OR5K3: variants seen among roughly 807,000 people sequenced by gnomAD.
OR5K3 encodes olfactory receptor 5K3.
For synonymous variants in OR5K3, 178 were observed against 132.6 expected (o/e 1.34, Z -2.35); for missense variants, 498 against 383.2 (o/e 1.30, Z -2.50).
chr3:98,390,962 A>C lies in OR5K3; in HGVS notation c.297A>C (p.Ala99=), dbSNP rs1419800516. 4 of 1,614,122 alleles carry C rather than the reference A, an allele frequency of 2.5e-6. No homozygotes were observed. The highest frequency in any genetic ancestry group is 3.4e-6 in the Non-Finnish European group (4 of 1,180,046). Residue 99 remains alanine (A), a synonymous_variant, in exon 1 of 1, where the codon GCA becomes GCC. Coordinates refer to ENST00000383695, the MANE Select transcript of OR5K3 (RefSeq NM_001005516.1). ...DKRITLYECM[A]QFYFLCLAET... is the part of the protein sequence containing the mutation. ...GGATTACCCTGTATGAATGTATGGCACAATTTTATTTTCTCTGTCTTGCTG... is the reference window on the plus strand; with the variant it reads ...GGATTACCCTGTATGAATGTATGGCCCAATTTTATTTTCTCTGTCTTGCTG...
In OR5K3 at chr3:98,391,210, T is replaced by A; in HGVS notation, c.545T>A (p.Leu182His). The A allele has an allele frequency of 6.2e-7, 1 of 1,612,942 alleles. No homozygotes were observed. The change falls in exon 1 of 1, where the codon CTT (leucine) becomes CAT (histidine). Residue 182 changes from leucine (L) to histidine (H), a missense_variant. Transcript: ENST00000383695. ...HQINHFFCDVLPLYRLSCINP... is the reference protein window; with the variant it reads ...HQINHFFCDVHPLYRLSCINP... ...ATCAATCATTTTTTCTGTGATGTTC[T>A]TCCATTATATAGACTTTCTTGTATT...
rs1707456831 is a variant in OR5K3, at chr3:98,390,755, GTTCTTTGCCATCT to G, written c.91_103del (p.Phe31IlefsTer2). ...AGCTGAAGACTGTTCTGTTTGTGGT[GTTCTTTGCCATCT>G]ATCTGATCACCATGGTGGGGAACAT... On this transcript the variant is annotated frameshift_variant, in exon 1 of 1. Transcript: ENST00000383695. LOFTEE classifies it low-confidence loss of function (END_TRUNC). 1.9e-6 allele frequency: 3 copies of G among 1,614,012 alleles called. No individual in the cohort carries two copies. The highest frequency in any genetic ancestry group is 1.3e-5 in the African/African-American group (1 of 74,918).
At position 98,390,722 on chromosome 3, in the gene OR5K3, T is replaced by A. The variant is rs780192554; in HGVS notation, c.57T>A (p.Tyr19Ter). The change falls in exon 1 of 1, where the codon TAT (tyrosine) becomes TAA (stop). Residue 19 changes from tyrosine to a stop codon, truncating the protein, a stop_gained. Transcript: ENST00000383695. LOFTEE classifies it low-confidence loss of function (END_TRUNC). ...AGTTCATCCTCACAGGATTTACATATCATCCAAAGCTGAAGACTGTTCTGT... is the reference window on the plus strand; with the variant it reads ...AGTTCATCCTCACAGGATTTACATAACATCCAAAGCTGAAGACTGTTCTGT... ...IAEFILTGFT[Y>*]HPKLKTVLFV... 6.2e-7 allele frequency: 1 copy of A among 1,614,110 alleles called. No individual in the cohort carries two copies. Among genetic ancestry groups the A allele is most frequent in the East Asian group, 2.2e-5 (1 of 44,876 alleles).
chr3:98,390,926 T>G lies in OR5K3; in HGVS notation c.261T>G (p.Ser87=). The stretch of plus-strand genomic sequence containing the variant: ...CCAAGATGTTAGAGAACTTCTTTTC[T>G]GAGGACAAAAGGATTACCCTGTATG... ...ITPKMLENFF[S]EDKRITLYEC... Residue 87 remains serine (S), a synonymous_variant, in exon 1 of 1, where the codon TCT becomes TCG. Transcript: ENST00000383695. 1 of 1,614,270 alleles carries G rather than the reference T, an allele frequency of 6.2e-7. No individual in the cohort carries two copies. The highest frequency in any genetic ancestry group is 8.5e-7 in the Non-Finnish European group (1 of 1,180,046).
Position 98,390,678 on chromosome 3 carries a change from A to G in OR5K3, c.13A>G (p.Asn5Asp). The G allele has an allele frequency of 6.2e-7, 1 of 1,612,236 alleles. No individual in the cohort carries two copies. Among genetic ancestry groups the G allele is most frequent in the African/African-American group, 1.3e-5 (1 of 75,020 alleles). ...AGACAAGGTGGAGATGAATAAGGAG[A>G]ATCACTCCTTGATAGCTGAGTTCAT... MNKE[N>D]HSLIAEFILT... Residue 5 changes from asparagine to aspartate, a missense_variant, in exon 1 of 1, where the codon AAT becomes GAT. Asn to Asp is a conservative substitution (Grantham distance 23). Coordinates refer to ENST00000383695, the MANE Select transcript of OR5K3 (RefSeq NM_001005516.1).
rs767080673 is a variant in OR5K3 at position 98,390,677 on chromosome 3, G to T, written c.12G>T (p.Glu4Asp). 9.3e-6 allele frequency: 15 copies of T among 1,612,584 alleles called. No individual in the cohort carries two copies. The highest frequency in any genetic ancestry group is 1.2e-5 in the Non-Finnish European group (14 of 1,179,062). Residue 4 changes from glutamate to aspartate, a missense_variant, in exon 1 of 1, where the codon GAG (glutamate) becomes GAT (aspartate). Transcript: ENST00000383695. ...CAGACAAGGTGGAGATGAATAAGGA[G>T]AATCACTCCTTGATAGCTGAGTTCA... is the stretch of plus-strand genomic sequence containing the variant. The part of the protein sequence containing the change: MNK[E>D]NHSLIAEFIL...
In OR5K3 at chr3:98,391,482, G is replaced by A; in HGVS notation, c.817G>A (p.Ala273Thr). The A allele has an allele frequency of 6.6e-7, 1 of 1,517,450 alleles. No individual in the cohort carries two copies. Among genetic ancestry groups the A allele is most frequent in the Non-Finnish European group, 9.1e-7 (1 of 1,100,770 alleles). 94.0% of individuals were successfully genotyped at this position (1,517,450 alleles called of 1,614,324 possible). Reference protein sequence around the residue: ...VNEGDKDIPVAIFYTLVIPLL... With the variant: ...VNEGDKDIPVTIFYTLVIPLL... ...TGAAGGGGATAAAGATATACCTGTT[G>A]CTATATTTTATACTTTAGTTATTCC... Residue 273 changes from alanine to threonine, a missense_variant, in exon 1 of 1, where the codon GCT (alanine) becomes ACT (threonine). By Grantham distance (58) the Ala-to-Thr change is moderately conservative. Coordinates refer to ENST00000383695, the MANE Select transcript of OR5K3 (RefSeq NM_001005516.1).
chr3:98,391,266 A>G lies in OR5K3; in HGVS notation c.601A>G (p.Ile201Val), dbSNP rs1707466846. 14 of 1,609,206 alleles carry G rather than the reference A, an allele frequency of 8.7e-6. No homozygotes were observed. Among genetic ancestry groups the G allele is most frequent in the Non-Finnish European group, 1.1e-5 (13 of 1,176,076 alleles). ...NPYINELVLFILAGSIQIFTI... is the reference protein window; with the variant it reads ...NPYINELVLFVLAGSIQIFTI... ...TTATATCAATGAATTGGTGTTATTT[A>G]TCTTGGCAGGATCAATTCAAATCTT... Residue 201 changes from isoleucine (I) to valine (V), a missense_variant, in exon 1 of 1, where the codon ATC (isoleucine) becomes GTC (valine). Transcript: ENST00000383695.
chr3:98,391,553 A>C lies in OR5K3; in HGVS notation c.888A>C (p.Ile296=). The change falls in exon 1 of 1, where the codon ATA becomes ATC. Residue 296 remains isoleucine, a synonymous_variant. Coordinates refer to ENST00000383695, the MANE Select transcript of OR5K3 (RefSeq NM_001005516.1). ...ATAGCCTAAGAAATAAGGAAGTAAT[A>C]AATATTATGAAAAAAATTATGAAGA... ...FIYSLRNKEV[I]NIMKKIMKKR... 1 of 1,384,864 alleles carries C rather than the reference A, an allele frequency of 7.2e-7. No individual in the cohort carries two copies. Among genetic ancestry groups the C allele is most frequent in the Non-Finnish European group, 9.7e-7 (1 of 1,034,196 alleles). 85.8% of individuals were successfully genotyped at this position (1,384,864 alleles called of 1,614,324 possible). A position where few individuals can be genotyped will look rare whatever the true frequency, so the allele number is the denominator to read the frequency against.
Position 98,391,530 on chromosome 3 carries a change from A to T in OR5K3, c.865A>T (p.Ser289Cys), listed in dbSNP as rs768477317. 3.2e-5 allele frequency: 45 copies of T among 1,417,792 alleles called. No individual in the cohort carries two copies. The African/African-American group carries it at 5.8e-4, about 18-fold the overall frequency. The allele number at this position is 1,417,792 out of a possible 1,614,324, so 87.8% of individuals were successfully genotyped here. ...VIPLLNPFIY[S>C]LRNKEVINIM... Reference sequence around the variant, plus strand: ...TCCTTTATTAAATCCTTTTATTTATAGCCTAAGAAATAAGGAAGTAATAAA... The same window carrying T: ...TCCTTTATTAAATCCTTTTATTTATTGCCTAAGAAATAAGGAAGTAATAAA... Residue 289 changes from serine (S) to cysteine (C), a missense_variant, in exon 1 of 1, where the codon AGC becomes TGC. Transcript: ENST00000383695.
chr3:98,390,975 C>A lies in OR5K3; in HGVS notation c.310C>A (p.Leu104Ile). The A allele has an allele frequency of 1.9e-6, 3 of 1,614,116 alleles. No homozygotes were observed. Among genetic ancestry groups the A allele is most frequent in the Non-Finnish European group, 2.5e-6 (3 of 1,179,958 alleles). ...LYECMAQFYF[L>I]CLAETTDCFL... ...TGAATGTATGGCACAATTTTATTTTCTCTGTCTTGCTGAAACTACAGACTG... is the reference window on the plus strand; with the variant it reads ...TGAATGTATGGCACAATTTTATTTTATCTGTCTTGCTGAAACTACAGACTG... Residue 104 changes from leucine to isoleucine, a missense_variant, in exon 1 of 1, where the codon CTC becomes ATC. By Grantham distance (5) the Leu-to-Ile change is conservative (BLOSUM62 2). Transcript: ENST00000383695.
Position 98,391,574 on chromosome 3 carries a change from G to T in OR5K3, c.909G>T (p.Met303Ile), listed in dbSNP as rs202238189. ...TAATAAATATTATGAAAAAAATTAT[G>T]AAGAAGAGAAAATTTTGTCACATTC... is the stretch of plus-strand genomic sequence containing the variant. Reference protein sequence around the residue: ...KEVINIMKKIMKKRKFCHILK... With the variant: ...KEVINIMKKIIKKRKFCHILK... Residue 303 changes from methionine to isoleucine, a missense_variant, in exon 1 of 1, where the codon ATG becomes ATT. Met to Ile is a conservative substitution (Grantham distance 10, BLOSUM62 1). Transcript: ENST00000383695. The T allele has an allele frequency of 5.6e-6, 8 of 1,425,736 alleles. No homozygotes were observed. The East Asian group carries it at 1.9e-4, about 35-fold the overall frequency. 88.3% of individuals were successfully genotyped at this position (1,425,736 alleles called of 1,614,324 possible).
chr3:98,391,196 T>C lies in OR5K3; in HGVS notation c.531T>C (p.Phe177=), dbSNP rs773121005. 1 of 1,613,938 alleles carries C rather than the reference T, an allele frequency of 6.2e-7. No homozygotes were observed. Among genetic ancestry groups the C allele is most frequent in the Non-Finnish European group, 8.5e-7 (1 of 1,179,842 alleles). ...TFCGSHQINH[F]FCDVLPLYRL... ...GTGGGTCTCATCAAATCAATCATTT[T>C]TTCTGTGATGTTCTTCCATTATATA... The change falls in exon 1 of 1, where the codon TTT becomes TTC. Residue 177 remains phenylalanine (F), a synonymous_variant. Transcript: ENST00000383695.
rs755383235 is a variant in OR5K3 at position 98,390,705 on chromosome 3, C to T, written c.40C>T (p.Leu14Phe). The T allele has an allele frequency of 1.2e-6, 2 of 1,613,960 alleles. No homozygotes were observed. The highest frequency in any genetic ancestry group is 1.1e-5 in the South Asian group (1 of 91,070). Residue 14 changes from leucine (L) to phenylalanine (F), a missense_variant, in exon 1 of 1, where the codon CTC becomes TTC. Coordinates refer to ENST00000383695, the MANE Select transcript of OR5K3 (RefSeq NM_001005516.1). ...TCACTCCTTGATAGCTGAGTTCATCCTCACAGGATTTACATATCATCCAAA... is the reference window on the plus strand; with the variant it reads ...TCACTCCTTGATAGCTGAGTTCATCTTCACAGGATTTACATATCATCCAAA... ...ENHSLIAEFI[L>F]TGFTYHPKLK...
rs762131036 is a variant in OR5K3 at position 98,390,908 on chromosome 3, G to T, written c.243G>T (p.Met81Ile). The T allele has an allele frequency of 6.2e-7, 1 of 1,614,108 alleles. No homozygotes were observed. The highest frequency in any genetic ancestry group is 1.7e-5 in the Admixed American group (1 of 60,004). Residue 81 changes from methionine (M) to isoleucine (I), a missense_variant, in exon 1 of 1, where the codon ATG becomes ATT. Met to Ile is a conservative substitution (Grantham distance 10). Coordinates refer to ENST00000383695, the MANE Select transcript of OR5K3 (RefSeq NM_001005516.1). ...SCCSSAITPK[M>I]LENFFSEDKR... Reference sequence around the variant, plus strand: ...GTTCCTCTGCTATTACTCCCAAGATGTTAGAGAACTTCTTTTCTGAGGACA... The same window carrying T: ...GTTCCTCTGCTATTACTCCCAAGATTTTAGAGAACTTCTTTTCTGAGGACA...
rs771081075 is a variant in OR5K3 at position 98,390,746 on chromosome 3, G to GT, written c.84dup (p.Val29CysfsTer60). 38 of 1,614,050 alleles carry GT rather than the reference G, an allele frequency of 2.4e-5. No homozygotes were observed. In the East Asian group the frequency reaches 7.6e-4, roughly 32 times the overall value. ...ATCATCCAAAGCTGAAGACTGTTCT[G>GT]TTTGTGGTGTTCTTTGCCATCTATC... On this transcript the variant is annotated frameshift_variant, in exon 1 of 1. Coordinates refer to ENST00000383695, the MANE Select transcript of OR5K3 (RefSeq NM_001005516.1). LOFTEE classifies it low-confidence loss of function (END_TRUNC).
In OR5K3 at chr3:98,390,989, A is replaced by C; in HGVS notation, c.324A>C (p.Glu108Asp). 6.2e-7 allele frequency: 1 copy of C among 1,614,218 alleles called. No individual in the cohort carries two copies. Among genetic ancestry groups the C allele is most frequent in the Non-Finnish European group, 8.5e-7 (1 of 1,180,034 alleles). Residue 108 changes from glutamate (E) to aspartate (D), a missense_variant, in exon 1 of 1, where the codon GAA (glutamate) becomes GAC (aspartate). Coordinates refer to ENST00000383695, the MANE Select transcript of OR5K3 (RefSeq NM_001005516.1). Reference protein sequence around the residue: ...MAQFYFLCLAETTDCFLLAAM... With the variant: ...MAQFYFLCLADTTDCFLLAAM... ...AATTTTATTTTCTCTGTCTTGCTGA[A>C]ACTACAGACTGCTTTCTTCTGGCGG... is the stretch of plus-strand genomic sequence containing the variant.
chr3:98,390,839 A>G lies in OR5K3; in HGVS notation c.174A>G (p.Pro58=). Residue 58 remains proline (P), a synonymous_variant, in exon 1 of 1, where the codon CCA becomes CCG. Transcript: ENST00000383695. The stretch of plus-strand genomic sequence containing the variant: ...ATATAGAGCAACGTCTTCACACACC[A>G]ATGTACATATTTTTAGGCAACCTAG... ...LIYIEQRLHT[P]MYIFLGNLVL... is the part of the protein sequence containing the mutation. 7 of 1,614,126 alleles carry G rather than the reference A, an allele frequency of 4.3e-6. No individual in the cohort carries two copies. The highest frequency in any genetic ancestry group is 5.9e-6 in the Non-Finnish European group (7 of 1,180,014).
chr3:98,390,693 G>A lies in OR5K3; in HGVS notation c.28G>A (p.Ala10Thr). Residue 10 changes from alanine (A) to threonine (T), a missense_variant, in exon 1 of 1, where the codon GCT becomes ACT. Ala to Thr is a moderately conservative substitution (Grantham distance 58). Transcript: ENST00000383695. MNKENHSLI[A>T]EFILTGFTYH... ...GAATAAGGAGAATCACTCCTTGATA[G>A]CTGAGTTCATCCTCACAGGATTTAC... The A allele has an allele frequency of 1.9e-6, 3 of 1,613,734 alleles. No individual in the cohort carries two copies. The highest frequency in any genetic ancestry group is 1.1e-5 in the South Asian group (1 of 91,024).
Sources: gnomAD v4.1 joint callset for allele counts on GRCh38, gnomAD v4.1.1 for gene constraint, MANE v1.5 for transcripts, NCBI Gene and HGNC (gene_info 2026-07-23, HGNC 2026-07-21) for gene names.